The following UBE2O variants were observed in gnomAD, a reference collection of about 807,000 sequenced individuals.
UBE2O encodes the protein ubiquitin conjugating enzyme E2 O, also known as (E3-independent) E2 ubiquitin-conjugating enzyme.
In UBE2O, 15 loss-of-function variants were observed where a neutral mutation model predicts 125.8. The observed-to-expected ratio is 0.12, with a 90% CI of 0.08 to 0.18. UBE2O has a LOEUF of 0.18. Among genes scored for constraint, UBE2O ranks in the 10% least tolerant of loss-of-function variants. The pLI, the probability that UBE2O is intolerant of heterozygous loss-of-function variation, is 1.00. For synonymous variants in UBE2O, 708 were observed against 703.2 expected (o/e 1.01, Z -0.11); for missense variants, 1,280 against 1,723.6 (o/e 0.74, Z 4.56).
In UBE2O at chr17:76,405,745, C is replaced by T. The variant is rs540490382; in HGVS notation, c.418-173G>A. 3.9e-5 allele frequency among the ~76,000 whole-genome samples: 6 copies of T among 152,348 alleles called. No individual in the cohort carries two copies. Among genetic ancestry groups the T allele is most frequent in the Admixed American group, 1.3e-4 (2 of 15,300 alleles). On this transcript the variant is annotated intron_variant, in intron 1 of 17. Coordinates refer to ENST00000319380, the MANE Select transcript of UBE2O (RefSeq NM_022066.4). This position sits in a 1 kb window ranked among gnomAD's most constrained non-coding sequence, Gnocchi z 6.1. ...CACACACCTCCGACCAGCACCCAGA[C>T]CCACAGGCAGAGCGCGTCACGCCCA... is the stretch of plus-strand genomic sequence containing the variant.
chr17:76,394,569 C>G (rs952900925), intron 15 of UBE2O, among the ~76,000 whole-genome samples: 8 of 152,302 alleles, frequency 5.3e-5, no homozygotes, highest in South Asian at 2.1e-4. Flanking sequence ...ACGACATATT[C>G]TGTGTGTAAA....
chr17:76,396,069 C>G lies in UBE2O; in HGVS notation c.2809+59G>C. 1 of 1,576,728 alleles carries G rather than the reference C, an allele frequency of 6.3e-7. No homozygotes were observed. The highest frequency in any genetic ancestry group is 8.6e-7 in the Non-Finnish European group (1 of 1,156,678). On this transcript the variant is annotated intron_variant, in intron 14 of 17. Transcript: ENST00000319380. The surrounding 1 kb of genome is among the most constrained non-coding windows in gnomAD (Gnocchi z 6.7). ...ACCACCCTGCACCCAGATCTGGTGA[C>G]ACAAACAGGAGCCCCGAGAAGGCGG...
chr17:76,415,985 G>A, intron 1 of UBE2O, among the ~76,000 whole-genome samples: 1 of 151,436 alleles, frequency 6.6e-6, no homozygotes, highest in Non-Finnish European at 1.5e-5. Flanking sequence ...GTATACATAT[G>A]CACATACACG....
In UBE2O at chr17:76,399,592, G is replaced by C; in HGVS notation, c.1485C>G (p.Thr495=). 1 of 1,614,220 alleles carries C rather than the reference G, an allele frequency of 6.2e-7. No individual in the cohort carries two copies. The highest frequency in any genetic ancestry group is 8.5e-7 in the Non-Finnish European group (1 of 1,180,044). ...ADDTDDTSSV[T]SSASSTTSSQ... ...AGGAAGTGGTGGAGCTGGCAGAGGAGGTCACCGAACTGGTGTCGTCCGTGT... is the reference window on the plus strand; with the variant it reads ...AGGAAGTGGTGGAGCTGGCAGAGGACGTCACCGAACTGGTGTCGTCCGTGT... Residue 495 remains threonine, a synonymous_variant, in exon 9 of 18, where the codon ACC becomes ACG. Coordinates refer to ENST00000319380, the MANE Select transcript of UBE2O (RefSeq NM_022066.4). This position sits in a 1 kb window ranked among gnomAD's most constrained non-coding sequence, Gnocchi z 6.9.
intron 1 of UBE2O, among the ~76,000 whole-genome samples, chr17:76,440,919 G>C (rs1273180486): frequency 6.6e-6 from 1 of 152,202 alleles, no homozygotes; most frequent in Non-Finnish European, 1.5e-5. Flanking sequence ...CTAGAGGGCA[G>C]GGCCTGTGTG....
At position 76,391,609 on chromosome 17, in the gene UBE2O, C is replaced by G. The variant is rs752881580; in HGVS notation, c.3213G>C (p.Leu1071=). ...TGTAGTATGGTTCATTTACCAGGAT[C>G]AGACCTGTGTGGGCGGGACACCTTC... ...LLQVLISIQG[L]ILVNEPYYNE... is the part of the protein sequence containing the mutation. Residue 1071 remains leucine, a synonymous_variant, in exon 18 of 18, where the codon CTG becomes CTC. Coordinates refer to ENST00000319380, the MANE Select transcript of UBE2O (RefSeq NM_022066.4). The surrounding 1 kb of genome is among the most constrained non-coding windows in gnomAD (Gnocchi z 8.4). 7.0e-5 allele frequency: 113 copies of G among 1,611,434 alleles called. No homozygotes were observed. Among genetic ancestry groups the G allele is most frequent in the Non-Finnish European group, 9.0e-5 (106 of 1,178,206 alleles).
At chr17:76,409,238 G>C (rs1266240329) in intron 1 of UBE2O, among the ~76,000 whole-genome samples, 1 of 152,324 alleles carries the variant, frequency 6.6e-6, no homozygotes, top group Non-Finnish European at 1.5e-5. Flanking sequence ...AAAGTGCTGG[G>C]ATTACAGGCG....
Position 76,405,488 on chromosome 17 carries a change from G to T in UBE2O, c.477+25C>A. On this transcript the variant is annotated intron_variant, in intron 2 of 17. Transcript: ENST00000319380. The surrounding 1 kb of genome is among the most constrained non-coding windows in gnomAD (Gnocchi z 6.1). ...TAAGGTGGCTGCCCCCAGGCCCGGG[G>T]CTGGGGTGGGGACGCAGGACTCACG... 3 of 1,589,180 alleles carry T rather than the reference G, an allele frequency of 1.9e-6. No homozygotes were observed. Among genetic ancestry groups the T allele is most frequent in the Non-Finnish European group, 2.6e-6 (3 of 1,169,614 alleles).
Position 76,452,693 on chromosome 17 carries a change from C to T in UBE2O, c.417+32G>A, listed in dbSNP as rs2073274915. The T allele has an allele frequency of 4.4e-6, 6 of 1,352,980 alleles. No individual in the cohort carries two copies. The highest frequency in any genetic ancestry group is 5.6e-6 in the Non-Finnish European group (6 of 1,063,208). 83.8% of individuals were successfully genotyped at this position (1,352,980 alleles called of 1,614,324 possible). A position where few individuals can be genotyped will look rare whatever the true frequency, so the allele number is the denominator to read the frequency against. ...CTCGGCCCGGCCGCCGACCCCCTGC[C>T]GCCCGCGCCGCCCAGCCCCCGCCCG... On this transcript the variant is annotated intron_variant, in intron 1 of 17. Coordinates refer to ENST00000319380, the MANE Select transcript of UBE2O (RefSeq NM_022066.4). The surrounding 1 kb of genome is among the most constrained non-coding windows in gnomAD (Gnocchi z 4.4).
intron 1 of UBE2O, chr17:76,430,473 C>A: frequency 3.9e-6 from 1 of 255,842 alleles, no homozygotes; most frequent in South Asian, 4.5e-5. Context: ...GCAGCAGCTC[C>A]ATTTTCTACA....
At chr17:76,445,955 C>G (rs1270439031) in intron 1 of UBE2O, among the ~76,000 whole-genome samples, 1 of 152,192 alleles carries the variant, frequency 6.6e-6, no homozygotes, top group African/African-American at 2.4e-5. Flanking sequence ...GACTGGCACC[C>G]ATTCATGGGC....
At chr17:76,429,543 A>AG (rs2072869331) in intron 1 of UBE2O, among the ~76,000 whole-genome samples, 1 of 61,150 alleles carries the variant, frequency 1.6e-5, no homozygotes, top group Non-Finnish European at 2.7e-5. Flanking sequence ...CTCTGTCTCA[A>AG]AAAAAAAAAA....
Position 76,452,831 on chromosome 17 carries a change from G to T in UBE2O, c.311C>A (p.Ala104Asp). 6.6e-7 allele frequency: 1 copy of T among 1,504,836 alleles called. No homozygotes were observed. Among genetic ancestry groups the T allele is most frequent in the South Asian group, 1.3e-5 (1 of 79,656 alleles). 93.2% of individuals were successfully genotyped at this position (1,504,836 alleles called of 1,614,324 possible). Residue 104 changes from alanine (A) to aspartate (D), a missense_variant, in exon 1 of 18, where the codon GCC becomes GAC. Transcript: ENST00000319380. The surrounding 1 kb of genome is among the most constrained non-coding windows in gnomAD (Gnocchi z 4.4). ...GCCCTCCTCGTGGCCCGCGCCCCCG[G>T]CCTCGGAGCACCCCGAGCTCCCGCG... ...EGRGSSGCSE[A>D]GGAGHEEGRA...
chr17:76,402,584 C>T lies in UBE2O; in HGVS notation c.686+18G>A, dbSNP rs975166016. The T allele has an allele frequency of 1.1e-5, 17 of 1,609,584 alleles. No homozygotes were observed. The highest frequency in any genetic ancestry group is 1.7e-5 in the Admixed American group (1 of 59,986). On this transcript the variant is annotated intron_variant, in intron 4 of 17. Transcript: ENST00000319380. The surrounding 1 kb of genome is among the most constrained non-coding windows in gnomAD (Gnocchi z 5.4). ...CTATCCTTCCCAAGCCGATGGCTCT[C>T]TGGTGGTGAGACTCTACCTGGCGCC...
chr17:76,424,971 T>C (rs958180867), intron 1 of UBE2O, among the ~76,000 whole-genome samples: 4 of 150,660 alleles, frequency 2.7e-5, no homozygotes, highest in Non-Finnish European at 5.9e-5. Context: ...CCCAGGTTCA[T>C]GCCATTCTCC....
At chr17:76,449,852 A>T (rs928104084) in intron 1 of UBE2O, among the ~76,000 whole-genome samples, 1 of 151,906 alleles carries the variant, frequency 6.6e-6, no homozygotes, top group African/African-American at 2.4e-5. Flanking sequence ...CCCGGGAGGC[A>T]GAGGTTGCGG....
At chr17:76,401,295 G>T in intron 5 of UBE2O, 141 bp from the exon 6 acceptor site, 1 of 1,003,086 alleles carries the variant, frequency 1.0e-6, no homozygotes, top group South Asian at 1.7e-5. Context: ...AACAAGTCCT[G>T]TGGCTCCACA....
At chr17:76,449,620 T>C (rs1171489087) in intron 1 of UBE2O, among the ~76,000 whole-genome samples, 1 of 151,048 alleles carries the variant, frequency 6.6e-6, no homozygotes, top group Non-Finnish European at 1.5e-5. Flanking sequence ...AGCAGCTTAT[T>C]AAAAAAAATA....
chr17:76,400,080 T>C lies in UBE2O; in HGVS notation c.1155+67A>G. On this transcript the variant is annotated intron_variant, in intron 8 of 17. Transcript: ENST00000319380. This position sits in a 1 kb window ranked among gnomAD's most constrained non-coding sequence, Gnocchi z 4.3. ...AGGCCTAAAGCACAGACTGTCCTTC[T>C]TGGCCATGGAAATGGCTCAAGGCCA... 1.3e-6 allele frequency: 2 copies of C among 1,572,236 alleles called. No individual in the cohort carries two copies. The highest frequency in any genetic ancestry group is 1.2e-5 in the South Asian group (1 of 83,838).
Sources: allele counts gnomAD v4.1 joint callset (sites outside exome capture counted in the v4.1 genomes callset), GRCh38; gene constraint gnomAD v4.1.1; non-coding constraint Gnocchi (gnomAD v3.1); transcripts MANE v1.5; gene names NCBI Gene and HGNC (gene_info 2026-07-23, HGNC 2026-07-21).